JAKMIP1: variants seen among roughly 807,000 people sequenced by gnomAD.
The protein encoded by JAKMIP1 is janus kinase and microtubule interacting protein 1, also known as janus kinase and microtubule-interacting protein 1.
Under a neutral mutation model 113.0 loss-of-function variants are expected in JAKMIP1, and 33 were observed. The observed-to-expected ratio is 0.29, with a 90% CI of 0.22 to 0.39. The LOEUF (loss-of-function observed/expected upper bound fraction) is 0.39. Ranked by LOEUF, JAKMIP1 falls within the 10% of genes least tolerant of loss-of-function variation. The pLI, the probability that JAKMIP1 is intolerant of heterozygous loss-of-function variation, is 1.00. For synonymous variants in JAKMIP1, 480 were observed against 459.9 expected (o/e 1.04, Z -0.56); for missense variants, 813 against 1,080.5 (o/e 0.75, Z 3.47).
rs941547409 is a variant in JAKMIP1, at chr4:6,141,708, T to G, written c.-147-28711A>C. Reference sequence around the variant, plus strand: ...GGTCCACAGAAGCCAGGTGGAGAAATGCAAGAGCTATTTCTGCACCAAATG... The same window carrying G: ...GGTCCACAGAAGCCAGGTGGAGAAAGGCAAGAGCTATTTCTGCACCAAATG... On this transcript the variant is annotated intron_variant, in intron 1 of 20. Coordinates refer to ENST00000409021, the MANE Select transcript of JAKMIP1 (RefSeq NM_001099433.2). The surrounding 1 kb of genome is among the most constrained non-coding windows in gnomAD (Gnocchi z 9.4). Among the ~76,000 whole-genome samples, 31 of 152,174 alleles carry G rather than the reference T, an allele frequency of 2.0e-4. No homozygotes were observed. Among genetic ancestry groups the G allele is most frequent in the African/African-American group, 7.2e-4 (30 of 41,444 alleles).
chr4:6,140,775 G>C lies in JAKMIP1; in HGVS notation c.-147-27778C>G, dbSNP rs1457431051. ...TCTCTCGTCTGGTGTCATCCTTTGG[G>C]CAATAAGAAAGATGCAATTAAGTAG... On this transcript the variant is annotated intron_variant, in intron 1 of 20. Transcript: ENST00000409021. The surrounding 1 kb of genome is among the most constrained non-coding windows in gnomAD (Gnocchi z 9.4). Among the ~76,000 whole-genome samples, 2 of 152,174 alleles carry C rather than the reference G, an allele frequency of 1.3e-5. No individual in the cohort carries two copies. The highest frequency in any genetic ancestry group is 3.8e-4 in the East Asian group (2 of 5,204).
In JAKMIP1 at chr4:6,186,838, GT is replaced by G. The variant is rs1726706603; in HGVS notation, c.-148+13414del. ...TTCACTTCTGTCAGGTTTTTTGTTT[GT>G]TTGTTTGAGACAGTCTCTCACTCTG... On this transcript the variant is annotated intron_variant, in intron 1 of 20. Coordinates refer to ENST00000409021, the MANE Select transcript of JAKMIP1 (RefSeq NM_001099433.2). This position sits in a 1 kb window ranked among gnomAD's most constrained non-coding sequence, Gnocchi z 5.5. 6.6e-6 allele frequency among the ~76,000 whole-genome samples: 1 copy of G among 151,838 alleles called. No individual in the cohort carries two copies. The highest frequency in any genetic ancestry group is 1.5e-5 in the Non-Finnish European group (1 of 67,936).
chr4:6,118,805 C>A (rs1476598309), intron 1 of JAKMIP1, among the ~76,000 whole-genome samples: 2 of 152,142 alleles, frequency 1.3e-5, no homozygotes. Flanking sequence ...CGGGCTGAAT[C>A]GTGGCCCCCA....
At chr4:6,111,197 G>C (rs1316930006) in intron 2 of JAKMIP1, among the ~76,000 whole-genome samples, 1 of 152,110 alleles carries the variant, frequency 6.6e-6, no homozygotes, top group Non-Finnish European at 1.5e-5. Context: ...TTGGCGACCT[G>C]AGTCCCAGCT....
chr4:6,066,378 C>T (rs61358810), intron 8 of JAKMIP1, among the ~76,000 whole-genome samples: 253 of 152,296 alleles, frequency 1.7e-3, no homozygotes, highest in Middle Eastern at 3.4e-3. Context: ...CACCACCACA[C>T]GTCACCCAGA....
At chr4:6,062,239 C>T in intron 10 of JAKMIP1, 73 bp downstream of exon 10, 1 of 1,541,124 alleles carries the variant, frequency 6.5e-7, no homozygotes, top group Non-Finnish European at 9.0e-7. Context: ...CAGGGTATGT[C>T]ACACTTCTGG....
intron 1 of JAKMIP1, among the ~76,000 whole-genome samples, chr4:6,159,086 C>T (rs1217003099): frequency 4.1e-5 from 1 of 24,630 alleles, no homozygotes; most frequent in African/African-American, 8.3e-5. Flanking sequence ...AAGATCCTGT[C>T]TCAAAAAAAA....
chr4:6,148,647 G>A (rs371462907), intron 1 of JAKMIP1, among the ~76,000 whole-genome samples: 6 of 152,368 alleles, frequency 3.9e-5, no homozygotes, highest in Admixed American at 2.0e-4. Flanking sequence ...AAGGGAGGAT[G>A]CAGGCTGAGC....
At chr4:6,052,028 G>A (rs557181265) in intron 13 of JAKMIP1, among the ~76,000 whole-genome samples, 18 of 152,240 alleles carry the variant, frequency 1.2e-4, no homozygotes, top group Non-Finnish European at 2.2e-4. Context: ...ACTAAGAGAT[G>A]TAGCCAAGAG....
At chr4:6,092,512 C>T (rs1029384174) in intron 3 of JAKMIP1, among the ~76,000 whole-genome samples, 2 of 152,174 alleles carry the variant, frequency 1.3e-5, no homozygotes, top group African/African-American at 4.8e-5. Flanking sequence ...GGGTTTTAAG[C>T]CATTGAGAGA....
chr4:6,182,510 G>A (rs1726161513), intron 1 of JAKMIP1, among the ~76,000 whole-genome samples: 1 of 152,160 alleles, frequency 6.6e-6, no homozygotes, highest in Non-Finnish European at 1.5e-5. Flanking sequence ...ACCATGCGAG[G>A]GCACAGTAAG....
chr4:6,042,301 G>C lies in JAKMIP1; in HGVS notation c.2029-74C>G. On this transcript the variant is annotated intron_variant, in intron 16 of 20. Transcript: ENST00000409021. This position sits in a 1 kb window ranked among gnomAD's most constrained non-coding sequence, Gnocchi z 5.2. ...CCCAAGGGGCTGTGGAATTTCACAG[G>C]TGTGTGAATTTCATAGATCGGCTTC... 8.3e-7 allele frequency: 1 copy of C among 1,208,662 alleles called. No homozygotes were observed. The highest frequency in any genetic ancestry group is 1.2e-5 in the South Asian group (1 of 82,552). 74.9% of individuals were successfully genotyped at this position (1,208,662 alleles called of 1,614,324 possible). A position where few individuals can be genotyped will look rare whatever the true frequency, so the allele number is the denominator to read the frequency against.
intron 20 of JAKMIP1, among the ~76,000 whole-genome samples, chr4:6,026,954 C>T (rs1711927512): frequency 6.7e-6 from 1 of 150,352 alleles, no homozygotes; most frequent in Non-Finnish European, 1.5e-5. Flanking sequence ...TCCAATGTGG[C>T]CCAGGGAAGT....
At position 6,185,144 on chromosome 4, in the gene JAKMIP1, G is replaced by T. The variant is rs922221641; in HGVS notation, c.-148+15109C>A. 1.3e-4 allele frequency among the ~76,000 whole-genome samples: 20 copies of T among 152,182 alleles called. No homozygotes were observed. Among genetic ancestry groups the T allele is most frequent in the Non-Finnish European group, 2.6e-4 (18 of 68,046 alleles). Reference sequence around the variant, plus strand: ...TTTTGGGACTCGAACTGGCTTCCTTGCTCCTCAGCTTGCAGATGGCCTAAT... The same window carrying T: ...TTTTGGGACTCGAACTGGCTTCCTTTCTCCTCAGCTTGCAGATGGCCTAAT... On this transcript the variant is annotated intron_variant, in intron 1 of 20. Coordinates refer to ENST00000409021, the MANE Select transcript of JAKMIP1 (RefSeq NM_001099433.2). This position sits in a 1 kb window ranked among gnomAD's most constrained non-coding sequence, Gnocchi z 5.3.
chr4:6,161,461 C>A (rs73075464), intron 1 of JAKMIP1, among the ~76,000 whole-genome samples: 10,631 of 152,168 alleles, frequency 0.07, 889 homozygotes, highest in African/African-American at 0.2. Flanking sequence ...GGTGGGAGAG[C>A]CACACCCGCC....
rs116138625 is a variant in JAKMIP1, at chr4:6,055,413, T to C, written c.1708-1265A>G. Among the ~76,000 whole-genome samples the C allele has an allele frequency of 3.4e-3, 511 of 152,280 alleles. 6 individuals carry two copies. Among genetic ancestry groups the C allele is most frequent in the African/African-American group, 0.012 (495 of 41,554 alleles). ...AAGCTACGATTTTAATTCCAAAGCA[T>C]TAGAGCTACTCGCCAAGCAGACTCT... On this transcript the variant is annotated intron_variant, in intron 12 of 20. Coordinates refer to ENST00000409021, the MANE Select transcript of JAKMIP1 (RefSeq NM_001099433.2).
intron 3 of JAKMIP1, among the ~76,000 whole-genome samples, chr4:6,095,278 AAGGGAGGG>A (rs200994670): frequency 3.0e-5 from 4 of 131,820 alleles, no homozygotes; most frequent in African/African-American, 1.2e-4. Context: ...GAAAGGAAGG[AAGGGAGGG>A]AGGGAGGGAG....
At chr4:6,191,832 T>C (rs1032924891) in intron 1 of JAKMIP1, among the ~76,000 whole-genome samples, 1 of 152,244 alleles carries the variant, frequency 6.6e-6, no homozygotes, top group African/African-American at 2.4e-5. Flanking sequence ...AGCATTATTT[T>C]GAAGTAAAAT....
chr4:6,170,015 C>T (rs1724202666), intron 1 of JAKMIP1, among the ~76,000 whole-genome samples: 3 of 145,632 alleles, frequency 2.1e-5, no homozygotes, highest in East Asian at 2.1e-4. Context: ...ACCACCCTCA[C>T]CACCACCACA....
Sources: allele counts gnomAD v4.1 joint callset (sites outside exome capture counted in the v4.1 genomes callset), GRCh38; gene constraint gnomAD v4.1.1; non-coding constraint Gnocchi (gnomAD v3.1); transcripts MANE v1.5; gene names NCBI Gene and HGNC (gene_info 2026-07-23, HGNC 2026-07-21).